KIF26B: variants seen among roughly 807,000 people sequenced by gnomAD.
The protein encoded by KIF26B is kinesin family member 26B, also known as kinesin-like protein KIF26B.
In KIF26B, 63 loss-of-function variants were observed where a neutral mutation model predicts 151.2. The ratio of observed to expected loss-of-function variants is 0.42; its 90% CI spans 0.34 to 0.51. The LOEUF is 0.51. KIF26B is among the 20% of genes least tolerant of loss of function. The pLI is 0.07. For synonymous variants in KIF26B, 1,357 were observed against 1,262.1 expected (o/e 1.08, Z -1.59); for missense variants, 2,813 against 2,913.6 (o/e 0.97, Z 0.79).
At chr1:245,546,865 A>G (rs775153779) in intron 5 of KIF26B, among the ~76,000 whole-genome samples, 4 of 152,268 alleles carry the variant, frequency 2.6e-5, no homozygotes, top group Non-Finnish European at 4.4e-5. Flanking sequence ...GTTAAACTCC[A>G]TAGTTAAGCT....
chr1:245,653,272 C>CT (rs1345355710), intron 10 of KIF26B, among the ~76,000 whole-genome samples: 1 of 152,166 alleles, frequency 6.6e-6, no homozygotes, highest in Non-Finnish European at 1.5e-5. Context: ...AGCGGGAACT[C>CT]TATCTTGATC....
At chr1:245,446,795 C>G (rs1659258938) in intron 4 of KIF26B, among the ~76,000 whole-genome samples, 1 of 152,128 alleles carries the variant, frequency 6.6e-6, no homozygotes, top group African/African-American at 2.4e-5. Context: ...CCCCAATCCC[C>G]AAAGCATCAA....
chr1:245,257,320 C>G (rs999597467), intron 2 of KIF26B, among the ~76,000 whole-genome samples: 2 of 152,178 alleles, frequency 1.3e-5, no homozygotes, highest in African/African-American at 2.4e-5. Context: ...CTTGGGCACG[C>G]ATTCTCAGGA....
chr1:245,573,677 G>A (rs2043087143), intron 5 of KIF26B, among the ~76,000 whole-genome samples: 1 of 150,876 alleles, frequency 6.6e-6, no homozygotes, highest in Non-Finnish European at 1.5e-5. Flanking sequence ...ATTGCAAACT[G>A]GCCAAGGAAA....
chr1:245,387,399 G>A (rs1279037434), intron 3 of KIF26B, among the ~76,000 whole-genome samples: 1 of 143,412 alleles, frequency 7.0e-6, no homozygotes, highest in Non-Finnish European at 1.5e-5. Context: ...TCTAAGCTCA[G>A]GTGATCCACC....
intron 2 of KIF26B, among the ~76,000 whole-genome samples, chr1:245,316,531 A>G (rs536218167): frequency 2.8e-4 from 43 of 151,678 alleles, no homozygotes; most frequent in Non-Finnish European, 5.9e-4. Flanking sequence ...CACCTCAATG[A>G]TTTTCAATTT....
intron 12 of KIF26B, among the ~76,000 whole-genome samples, chr1:245,694,284 TTC>T (rs1338473233): frequency 6.6e-6 from 1 of 152,258 alleles, no homozygotes; most frequent in African/African-American, 2.4e-5. Context: ...TTGATTCACA[TTC>T]TCTTTCTCTC....
intron 4 of KIF26B, among the ~76,000 whole-genome samples, chr1:245,431,874 G>A (rs1558163217): frequency 1.3e-5 from 2 of 152,180 alleles, no homozygotes; most frequent in Non-Finnish European, 2.9e-5. Flanking sequence ...TGACTTACAA[G>A]GCTCTGTGCA....
At chr1:245,446,673 T>G (rs552157223) in intron 4 of KIF26B, among the ~76,000 whole-genome samples, 5 of 152,290 alleles carry the variant, frequency 3.3e-5, no homozygotes, top group Admixed American at 3.3e-4. Flanking sequence ...ATAGAAAGAA[T>G]AACTCCAAAA....
chr1:245,492,657 T>C (rs1660432169), intron 4 of KIF26B, among the ~76,000 whole-genome samples: 1 of 152,266 alleles, frequency 6.6e-6, no homozygotes, highest in Admixed American at 6.5e-5. Flanking sequence ...TAAGCCAATT[T>C]GGTATCTGCA....
chr1:245,461,029 GCGTT>G, intron 4 of KIF26B, among the ~76,000 whole-genome samples: 1 of 152,334 alleles, frequency 6.6e-6, no homozygotes, highest in Non-Finnish European at 1.5e-5. Context: ...CCCAGCACAG[GCGTT>G]CTGGGGTGTA....
rs1361932465 is a variant in KIF26B, at chr1:245,613,553, G to A, written c.2098+1577G>A. 4.6e-5 allele frequency among the ~76,000 whole-genome samples: 7 copies of A among 152,278 alleles called. 1 individual carries two copies. The highest frequency in any genetic ancestry group is 5.9e-5 in the Non-Finnish European group (4 of 68,022). ...GCGGAGGTTGCAGTGAGCCCAGATC[G>A]TGCCACTGCACTCCAGCCTGGGTGA... On this transcript the variant is annotated intron_variant, in intron 9 of 14. Transcript: ENST00000407071.
At chr1:245,639,557 A>G (rs571208774) in intron 9 of KIF26B, among the ~76,000 whole-genome samples, 61 of 151,810 alleles carry the variant, frequency 4.0e-4, no homozygotes, top group Middle Eastern at 3.4e-3. Context: ...GTGCAACATT[A>G]GGTTGTTTAT....
chr1:245,583,311 T>G (rs1443136150), intron 5 of KIF26B, among the ~76,000 whole-genome samples: 1 of 152,044 alleles, frequency 6.6e-6, no homozygotes, highest in Non-Finnish European at 1.5e-5. Context: ...TGGAGATGAG[T>G]AACACACAGG....
chr1:245,267,684 A>ACACACAC (rs1670773445), intron 2 of KIF26B, among the ~76,000 whole-genome samples: 2 of 148,468 alleles, frequency 1.3e-5, no homozygotes, highest in Non-Finnish European at 1.5e-5. Context: ...ACACACACAC[A>ACACACAC]AAAGGAGAAA....
At chr1:245,196,770 T>C (rs1409672797) in intron 2 of KIF26B, among the ~76,000 whole-genome samples, 1 of 152,152 alleles carries the variant, frequency 6.6e-6, no homozygotes, top group Non-Finnish European at 1.5e-5. Flanking sequence ...ATTAGAGCTT[T>C]TCTCAAGGCT....
chr1:245,315,502 A>G (rs567856241), intron 2 of KIF26B, among the ~76,000 whole-genome samples: 1 of 152,138 alleles, frequency 6.6e-6, no homozygotes, highest in Admixed American at 6.5e-5. Context: ...CAGGTGGATC[A>G]CCTGAGGTCA....
chr1:245,347,054 C>G (rs1672470289), intron 2 of KIF26B, among the ~76,000 whole-genome samples: 1 of 152,184 alleles, frequency 6.6e-6, no homozygotes, highest in Non-Finnish European at 1.5e-5. Flanking sequence ...GTCCTCTGTA[C>G]CTGTCTGTGC....
intron 4 of KIF26B, among the ~76,000 whole-genome samples, chr1:245,469,654 T>C (rs1659867632): frequency 6.6e-6 from 1 of 152,194 alleles, no homozygotes; most frequent in Non-Finnish European, 1.5e-5. Flanking sequence ...CCTCTTCAAG[T>C]GGCTTTTGTA....
Sources: gnomAD v4.1 joint callset for allele counts (sites outside exome capture counted in the v4.1 genomes callset) on GRCh38, gnomAD v4.1.1 for gene constraint, MANE v1.5 for transcripts, NCBI Gene and HGNC (gene_info 2026-07-23, HGNC 2026-07-21) for gene names.